Variants in AP4E1 observed in about 807,000 individuals in gnomAD.
The protein encoded by AP4E1 is AP-4 complex subunit epsilon-1.
AP4E1 carries 56 observed loss-of-function variants against 128.2 expected under a neutral mutation model. The ratio of observed to expected loss-of-function variants is 0.44; its 90% CI spans 0.35 to 0.55. The LOEUF (loss-of-function observed/expected upper bound fraction) is 0.55, where lower values mean the gene tolerates loss of function less well. AP4E1 is among the 20% of genes least tolerant of loss of function. The probability of loss-of-function intolerance (pLI) is 0.00; values close to 1 mark genes in which losing one functional copy is unlikely to be tolerated. For synonymous variants in AP4E1, 484 were observed against 473.1 expected (o/e 1.02, Z -0.30); for missense variants, 1,324 against 1,307.7 (o/e 1.01, Z -0.19).
intron 20 of AP4E1, 28 bp downstream of exon 20, chr15:51,001,211 T>C: frequency 1.9e-6 from 3 of 1,601,032 alleles, no homozygotes; most frequent in Non-Finnish European, 2.6e-6. Context: ...AAGGCTATTC[T>C]GTGTTTATAG....
At chr15:50,973,153 G>A (rs1489606791) in intron 15 of AP4E1, among the ~76,000 whole-genome samples, 1 of 152,146 alleles carries the variant, frequency 6.6e-6, no homozygotes, top group Non-Finnish European at 1.5e-5. Context: ...CTGTTTATGA[G>A]TTCAGAATGT....
At chr15:50,952,100 AGTTT>A (rs892889263) in intron 13 of AP4E1, among the ~76,000 whole-genome samples, 7 of 152,162 alleles carry the variant, frequency 4.6e-5, no homozygotes, top group African/African-American at 1.4e-4. Flanking sequence ...ACCTATATAC[AGTTT>A]GTTTTGCTGA....
At chr15:50,981,108 G>A (rs2064637656) in intron 15 of AP4E1, among the ~76,000 whole-genome samples, 1 of 152,136 alleles carries the variant, frequency 6.6e-6, no homozygotes, top group Non-Finnish European at 1.5e-5. Flanking sequence ...TGAGACCCCA[G>A]AACTGATGCT....
At chr15:50,915,039 G>T (rs929367482) in intron 2 of AP4E1, among the ~76,000 whole-genome samples, 1 of 152,138 alleles carries the variant, frequency 6.6e-6, no homozygotes. Context: ...TTACCAACTT[G>T]TGGGAATTTT....
intron 13 of AP4E1, among the ~76,000 whole-genome samples, chr15:50,953,527 C>T (rs527586476): frequency 3.9e-5 from 6 of 152,312 alleles, no homozygotes; most frequent in African/African-American, 1.4e-4. Context: ...TGAATCATTC[C>T]TTTGTCCAGT....
At chr15:50,949,765 C>A in intron 11 of AP4E1, 61 bp from the exon 12 acceptor site, 2 of 1,283,050 alleles carry the variant, frequency 1.6e-6, no homozygotes, top group South Asian at 1.2e-5. Flanking sequence ...AAGATTGCTA[C>A]AGAAGGGTAA....
At chr15:50,958,339 T>C (rs2140877416) in intron 13 of AP4E1, among the ~76,000 whole-genome samples, 153 bp from the exon 14 acceptor site, 1 of 152,352 alleles carries the variant, frequency 6.6e-6, no homozygotes, top group Non-Finnish European at 1.5e-5. Flanking sequence ...GAACCTAAAA[T>C]ATACAGTTGT....
chr15:50,966,592 A>G (rs1411230690), intron 14 of AP4E1, among the ~76,000 whole-genome samples: 1 of 144,220 alleles, frequency 6.9e-6, no homozygotes, highest in Non-Finnish European at 1.5e-5. Context: ...GCTGGAGTGC[A>G]ATGGTACGAT....
chr15:50,931,810 A>G (rs1418312734), intron 7 of AP4E1, among the ~76,000 whole-genome samples: 1 of 152,130 alleles, frequency 6.6e-6, no homozygotes, highest in Admixed American at 6.5e-5. Context: ...ATACAAAACC[A>G]GGCATTTGGC....
At position 50,948,053 on chromosome 15, in the gene AP4E1, C is replaced by G. The variant is rs1406547033; in HGVS notation, c.1210C>G (p.Gln404Glu). Residue 404 changes from glutamine to glutamate, a missense_variant, in exon 11 of 21, where the codon CAG (glutamine) becomes GAG (glutamate). Gln to Glu is a conservative substitution (Grantham distance 29, BLOSUM62 2). Transcript: ENST00000261842. ...LELLYRITNA[Q>E]NITVIVQKML... ...ACTTCTTTACAGAATTACTAATGCA[C>G]AGAATATAACAGTTATTGTCCAGAA... 2 of 1,609,020 alleles carry G rather than the reference C, an allele frequency of 1.2e-6. No individual in the cohort carries two copies. Among genetic ancestry groups the G allele is most frequent in the South Asian group, 2.2e-5 (2 of 90,990 alleles).
At chr15:50,972,109 AC>A (rs1188847655) in intron 15 of AP4E1, among the ~76,000 whole-genome samples, 2 of 152,192 alleles carry the variant, frequency 1.3e-5, no homozygotes, top group Non-Finnish European at 2.9e-5. Context: ...AAAGGGAAAG[AC>A]TTATTTGTAT....
At chr15:50,945,007 G>T (rs186131656) in intron 10 of AP4E1, 4 of 770,500 alleles carry the variant, frequency 5.2e-6, no homozygotes, top group Non-Finnish European at 9.6e-6. Context: ...TAAGGAATAC[G>T]TACTCACTTT....
At position 50,916,130 on chromosome 15, in the gene AP4E1, A is replaced by G. The variant is rs568469496; in HGVS notation, c.346+559A>G. On this transcript the variant is annotated intron_variant, in intron 3 of 20. Coordinates refer to ENST00000261842, the MANE Select transcript of AP4E1 (RefSeq NM_007347.5). ...GTTTTTGTAGAGATGGGGTTTCACTATGTTGCATAGGCTGGTCTTGAACTC... is the reference window on the plus strand; with the variant it reads ...GTTTTTGTAGAGATGGGGTTTCACTGTGTTGCATAGGCTGGTCTTGAACTC... Among the ~76,000 whole-genome samples the G allele has an allele frequency of 3.3e-5, 5 of 152,178 alleles. No individual in the cohort carries two copies. The South Asian group carries it at 1.0e-3, about 32-fold the overall frequency.
intron 3 of AP4E1, 156 bp downstream of exon 3, chr15:50,915,727 AT>A: frequency 1.1e-6 from 1 of 905,718 alleles, no homozygotes; most frequent in Non-Finnish European, 1.6e-6. Flanking sequence ...AGTCAAAGCC[AT>A]TTATAGGAAA....
In AP4E1 at chr15:50,958,550, A is replaced by G; in HGVS notation, c.1607A>G (p.Lys536Arg). ...DKETPEEVIA[K>R]LYKLLMNDSV... ...GAAACGCCAGAGGAAGTTATAGCTA[A>G]GCTCTACAAGTTACTTATGAATGAC... The change falls in exon 14 of 21, where the codon AAG becomes AGG. Residue 536 changes from lysine to arginine, a missense_variant. Transcript: ENST00000261842. 6.2e-7 allele frequency: 1 copy of G among 1,614,014 alleles called. No homozygotes were observed.
chr15:50,975,010 A>T (rs1428618260), intron 15 of AP4E1, among the ~76,000 whole-genome samples: 1 of 152,188 alleles, frequency 6.6e-6, no homozygotes, highest in Non-Finnish European at 1.5e-5. Context: ...GCTATGCAGA[A>T]GCTTTTTAAT....
rs1438597482 is a variant in AP4E1, at chr15:51,002,892, G to C, written c.*230G>C. 7 of 515,950 alleles carry C rather than the reference G, an allele frequency of 1.4e-5. No homozygotes were observed. Among genetic ancestry groups the C allele is most frequent in the Non-Finnish European group, 7.0e-6 (2 of 286,486 alleles). The allele number at this position is 515,950 out of a possible 1,614,324, so 32.0% of individuals were successfully genotyped here. A position where few individuals can be genotyped will look rare whatever the true frequency, so the allele number is the denominator to read the frequency against. On this transcript the variant is annotated 3_prime_UTR_variant, in exon 21 of 21. Transcript: ENST00000261842. ...TTAGGTCCCTCAAAAAGTGACCTAA[G>C]CTAATGTTATAAACTGCTAATGATT...
chr15:51,005,453 G>A lies in AP4E1; in HGVS notation c.*2791G>A, dbSNP rs1160908015. ...GCAGATCAGAGCTCAGGGTTTGAAA[G>A]TGGGCCTGAGTAAGGGTCCTGCTAG... On this transcript the variant is annotated 3_prime_UTR_variant, in exon 21 of 21. Transcript: ENST00000261842. The A allele has an allele frequency of 1.3e-5, 2 of 152,692 alleles. No individual in the cohort carries two copies. Among genetic ancestry groups the A allele is most frequent in the Non-Finnish European group, 1.5e-5 (1 of 68,090 alleles). 9.5% of individuals were successfully genotyped at this position (152,692 alleles called of 1,614,324 possible). A position where few individuals can be genotyped will look rare whatever the true frequency, so the allele number is the denominator to read the frequency against.
Position 50,930,761 on chromosome 15 carries a change from T to C in AP4E1, c.703-44T>C, listed in dbSNP as rs537396658. On this transcript the variant is annotated intron_variant, in intron 6 of 20. Transcript: ENST00000261842. ...CATTTCAATTAGGTCTATTTCTATT[T>C]AATAAGACGTTATTAACAAAGTTTT... 6.3e-5 allele frequency: 100 copies of C among 1,590,034 alleles called. No individual in the cohort carries two copies. In the South Asian group the frequency reaches 1.1e-3, roughly 17 times the overall value.
Sources: allele counts gnomAD v4.1 joint callset (sites outside exome capture counted in the v4.1 genomes callset), GRCh38; gene constraint gnomAD v4.1.1; transcripts MANE v1.5; gene names NCBI Gene and HGNC (gene_info 2026-07-23, HGNC 2026-07-21).